The following SUFU variants were observed in gnomAD, a reference collection of about 807,000 sequenced individuals.
SUFU encodes SUFU negative regulator of hedgehog signaling.
In SUFU, 7 loss-of-function variants were observed where a neutral mutation model predicts 58.9. The observed-to-expected ratio is 0.12, with a 90% CI of 0.07 to 0.22. The LOEUF is 0.22. SUFU is among the 10% of genes least tolerant of loss of function. SUFU has a pLI of 1.00. For synonymous variants in SUFU, 232 were observed against 254.8 expected (o/e 0.91, Z 0.85); for missense variants, 451 against 641.3 (o/e 0.70, Z 3.20).
At chr10:102,607,300 C>T (rs116772776) in intron 8 of SUFU, among the ~76,000 whole-genome samples, 6,820 of 152,156 alleles carry the variant, frequency 0.045, 499 homozygotes, top group African/African-American at 0.16. Context: ...TTTTCCCACC[C>T]GGCCTCCCAA....
At chr10:102,594,989 G>C (rs768779275) in intron 6 of SUFU, among the ~76,000 whole-genome samples, 2 of 152,144 alleles carry the variant, frequency 1.3e-5, no homozygotes, top group Non-Finnish European at 2.9e-5. Flanking sequence ...CAAAGTGCTG[G>C]GATTACAGGT....
At chr10:102,514,278 G>T (rs1041074123) in intron 2 of SUFU, among the ~76,000 whole-genome samples, 2 of 152,146 alleles carry the variant, frequency 1.3e-5, no homozygotes, top group Non-Finnish European at 2.9e-5. Flanking sequence ...AGGCAGAAGC[G>T]AGGGGTCCTC....
intron 3 of SUFU, among the ~76,000 whole-genome samples, chr10:102,575,369 C>T (rs1428193083): frequency 6.6e-6 from 1 of 152,170 alleles, no homozygotes; most frequent in South Asian, 2.1e-4. Flanking sequence ...TTATTTCTTA[C>T]AGTTATGGAG....
intron 2 of SUFU, among the ~76,000 whole-genome samples, chr10:102,537,800 A>G (rs879397015): frequency 6.6e-6 from 1 of 152,086 alleles, no homozygotes; most frequent in Admixed American, 6.6e-5. Context: ...CCATCCATCT[A>G]TTGACTGACT....
chr10:102,575,845 T>G (rs1314889105), intron 3 of SUFU, among the ~76,000 whole-genome samples: 1 of 152,010 alleles, frequency 6.6e-6, no homozygotes, highest in Non-Finnish European at 1.5e-5. Context: ...TAAATAAATT[T>G]CAGATTTTTT....
chr10:102,568,921 CACAT>C lies in SUFU; in HGVS notation c.454+18817_454+18820del, dbSNP rs1413882859. ...AAATATATATATATATATATATATA[CACAT>C]ATATATATATATATATATATATATA... On this transcript the variant is annotated intron_variant, in intron 3 of 11. Transcript: ENST00000369902. Among the ~76,000 whole-genome samples the C allele has an allele frequency of 5.7e-3, 54 of 9,542 alleles. 2 individuals carry two copies. The highest frequency in any genetic ancestry group is 0.019 in the African/African-American group (52 of 2,678). 6.3% of individuals were successfully genotyped at this position (9,542 alleles called of 152,430 possible). A position where few individuals can be genotyped will look rare whatever the true frequency, so the allele number is the denominator to read the frequency against.
intron 3 of SUFU, among the ~76,000 whole-genome samples, chr10:102,579,675 A>G (rs544545796): frequency 1.3e-5 from 2 of 152,204 alleles, no homozygotes; most frequent in Non-Finnish European, 1.5e-5. Flanking sequence ...TGCAAGAGCA[A>G]ATATGTCTTC....
chr10:102,582,105 GA>G (rs1479304851), intron 3 of SUFU, among the ~76,000 whole-genome samples: 2 of 152,180 alleles, frequency 1.3e-5, no homozygotes, highest in Non-Finnish European at 2.9e-5. Context: ...AGCACCTGGA[GA>G]AAAGGGGCAT....
chr10:102,554,933 T>G (rs2062957422), intron 3 of SUFU, among the ~76,000 whole-genome samples: 1 of 152,252 alleles, frequency 6.6e-6, no homozygotes, highest in African/African-American at 2.4e-5. Flanking sequence ...GTAAGTACTA[T>G]GTTTTACCTG....
chr10:102,533,408 C>CAAA (rs1185623999), intron 2 of SUFU, among the ~76,000 whole-genome samples: 2 of 100,780 alleles, frequency 2.0e-5, no homozygotes, highest in Non-Finnish European at 4.2e-5. Context: ...CCCATCTCTA[C>CAAA]AAAAAAAAAA....
chr10:102,591,738 TG>T (rs1198044888), intron 3 of SUFU: 6 of 152,322 alleles, frequency 3.9e-5, no homozygotes, highest in African/African-American at 1.4e-4. Context: ...ATGCATAGGC[TG>T]GACATATAGA....
chr10:102,573,278 C>A (rs2063181510), intron 3 of SUFU: 1 of 626,048 alleles, frequency 1.6e-6, no homozygotes. Context: ...ACTTTGGCCT[C>A]ACAGCCGTTA....
chr10:102,503,955 C>G (rs1325297975), upstream of SUFU: 7 of 722,218 alleles, frequency 9.7e-6, no homozygotes, highest in Non-Finnish European at 1.0e-5. Context: ...CCCCGCCGCC[C>G]CGAGGCACCC....
intron 2 of SUFU, among the ~76,000 whole-genome samples, chr10:102,547,988 T>TA (rs914739027): frequency 6.0e-5 from 9 of 150,054 alleles, no homozygotes; most frequent in Non-Finnish European, 1.2e-4. Flanking sequence ...TTATCTCTAC[T>TA]AAAAAAAAAG....
At chr10:102,593,519 C>A in intron 4 of SUFU, 117 bp from the exon 5 acceptor site, 1 of 1,025,706 alleles carries the variant, frequency 9.7e-7, no homozygotes, top group Non-Finnish European at 1.5e-6. Flanking sequence ...AGCTCCTGAG[C>A]ACAGATCCTG....
chr10:102,561,728 G>T (rs1040444070), intron 3 of SUFU, among the ~76,000 whole-genome samples: 2 of 144,808 alleles, frequency 1.4e-5, no homozygotes, highest in Non-Finnish European at 3.0e-5. Flanking sequence ...GAGTCCAGTG[G>T]TACGATTATG....
Position 102,509,152 on chromosome 10 carries a change from T to C in SUFU, c.183-17T>C, listed in dbSNP as rs767300975. ...TTCCAGGCTTACACTAACACCCCTG[T>C]GTTTTGTTTTTTGCAGGTTGGGTGG... On this transcript the variant is annotated splice_polypyrimidine_tract_variant and intron_variant, in intron 1 of 11. Coordinates refer to ENST00000369902, the MANE Select transcript of SUFU (RefSeq NM_016169.4). 5.7e-5 allele frequency: 92 copies of C among 1,613,640 alleles called. No individual in the cohort carries two copies. The highest frequency in any genetic ancestry group is 7.0e-5 in the Non-Finnish European group (83 of 1,180,012).
intron 10 of SUFU, among the ~76,000 whole-genome samples, chr10:102,623,385 C>G (rs910824668): frequency 1.3e-5 from 2 of 152,224 alleles, no homozygotes; most frequent in Non-Finnish European, 2.9e-5. Context: ...ATTGGCCAGT[C>G]TGGTTTTTTA....
chr10:102,592,528 C>A (rs1590061719), intron 3 of SUFU, 54 bp from the exon 4 acceptor site: 1 of 1,609,770 alleles, frequency 6.2e-7, no homozygotes, highest in South Asian at 1.1e-5. Flanking sequence ...AGCCCAGATT[C>A]CAGGCCTGGA....
Sources: gnomAD v4.1 joint callset for allele counts (sites outside exome capture counted in the v4.1 genomes callset) on GRCh38, gnomAD v4.1.1 for gene constraint, MANE v1.5 for transcripts, NCBI Gene and HGNC (gene_info 2026-07-23, HGNC 2026-07-21) for gene names.